The following TRPC5 variants were observed in gnomAD, a reference collection of about 807,000 sequenced individuals.
TRPC5 encodes the protein short transient receptor potential channel 5.
A neutral mutation model predicts 56.5 loss-of-function variants in TRPC5; 9 were observed. The observed-to-expected ratio is 0.16, with a 90% CI of 0.10 to 0.28. The LOEUF is 0.28. TRPC5 is among the 10% of genes least tolerant of loss of function. The pLI, the probability that TRPC5 is intolerant of heterozygous loss-of-function variation, is 1.00. For synonymous variants in TRPC5, 282 were observed against 278.5 expected, an observed-to-expected ratio of 1.01 and a Z score of -0.13; for missense variants, 469 against 748.9, an observed-to-expected ratio of 0.63 and a Z score of 4.36.
At chrX:112,035,095 A>T (rs1204150467) in intron 1 of TRPC5, among the ~76,000 whole-genome samples, 1 of 107,019 alleles carries the variant, frequency 9.3e-6, no homozygotes, top group Admixed American at 1.0e-4. Context: ...TTTTTAAAAA[A>T]AAAAAAATGT....
At chrX:111,935,625 T>A (rs1481353831) in intron 2 of TRPC5, among the ~76,000 whole-genome samples, 2 of 111,860 alleles carry the variant, frequency 1.8e-5, no homozygotes, top group Non-Finnish European at 3.8e-5. Flanking sequence ...AGCCTTTATT[T>A]CATTTTGATT....
At chrX:111,972,903 C>T (rs1008027132) in intron 1 of TRPC5, among the ~76,000 whole-genome samples, 4 of 111,653 alleles carry the variant, frequency 3.6e-5, no homozygotes, top group African/African-American at 1.3e-4. Context: ...AATATTTTGG[C>T]ATGGCTACTG....
At chrX:112,063,946 C>A (rs1930519666) in intron 1 of TRPC5, among the ~76,000 whole-genome samples, 2 of 111,445 alleles carry the variant, frequency 1.8e-5, no homozygotes, top group Non-Finnish European at 3.8e-5. Flanking sequence ...CGCCCACCAC[C>A]ACGTCCGGCC....
In TRPC5 at chrX:112,029,829, C is replaced by CTT. The variant is rs35476875; in HGVS notation, c.-22+52048_-22+52049dup. On this transcript the variant is annotated intron_variant, in intron 1 of 10. Coordinates refer to ENST00000262839, the MANE Select transcript of TRPC5 (RefSeq NM_012471.3). ...GAGTCGTTTTCATGAAAGCCTCATCCTTTTTTTTTTTTTTTGAGACAGAGT... is the reference window on the plus strand; with the variant it reads ...GAGTCGTTTTCATGAAAGCCTCATCCTTTTTTTTTTTTTTTTTGAGACAGAGT... Among the ~76,000 whole-genome samples the CTT allele has an allele frequency of 5.7e-3, 561 of 98,710 alleles. 3 individuals carry two copies. Among genetic ancestry groups the CTT allele is most frequent in the African/African-American group, 0.02 (537 of 26,956 alleles). 85.7% of individuals were successfully genotyped at this position (98,710 alleles called of 115,157 possible).
At chrX:111,927,108 T>C (rs1347509277) in intron 2 of TRPC5, among the ~76,000 whole-genome samples, 1 of 112,330 alleles carries the variant, frequency 8.9e-6, no homozygotes, top group Non-Finnish European at 1.9e-5. Context: ...AACCTCAGCA[T>C]TCTTGACATG....
At chrX:111,779,130 G>C in intron 9 of TRPC5, 56 bp from the exon 10 acceptor site, 6 of 861,622 alleles carry the variant, frequency 7.0e-6, no homozygotes, top group Non-Finnish European at 9.9e-6. Context: ...TCTCAGTACA[G>C]TAAGAAACTT....
At chrX:111,904,112 A>G in intron 3 of TRPC5, 1 of 112,183 alleles carries the variant, frequency 8.9e-6, no homozygotes, top group Non-Finnish European at 1.9e-5. Context: ...AGGATTCTGA[A>G]GTTATACTTC....
chrX:111,829,573 C>A (rs1384038494), intron 7 of TRPC5, among the ~76,000 whole-genome samples: 1 of 112,131 alleles, frequency 8.9e-6, no homozygotes, highest in Non-Finnish European at 1.9e-5. Context: ...TTGCTGTATG[C>A]AGCCTAGGGA....
At chrX:111,961,570 T>C (rs1180664674) in intron 1 of TRPC5, among the ~76,000 whole-genome samples, 2 of 112,264 alleles carry the variant, frequency 1.8e-5, no homozygotes, top group East Asian at 5.6e-4. Context: ...TCAGGTATAC[T>C]ACAATGTATT....
In TRPC5 at chrX:111,924,863, C is replaced by T. The variant is rs766867734; in HGVS notation, c.379-12051G>A. Among the ~76,000 whole-genome samples the T allele has an allele frequency of 2.7e-5, 3 of 112,359 alleles. No individual in the cohort carries two copies. The East Asian group carries it at 8.4e-4, about 32-fold the overall frequency. ...AGAGCAGCAGGAGTTAATTCCTCTT[C>T]CTGTGGCTATCCTTGATCTTTTCAG... On this transcript the variant is annotated intron_variant, in intron 2 of 10. Transcript: ENST00000262839.
At chrX:111,863,698 A>G (rs1452613485) in intron 3 of TRPC5, among the ~76,000 whole-genome samples, 1 of 112,067 alleles carries the variant, frequency 8.9e-6, no homozygotes, top group Non-Finnish European at 1.9e-5. Flanking sequence ...TCCTGATGTT[A>G]GAAGAAAAGC....
intron 1 of TRPC5, among the ~76,000 whole-genome samples, chrX:112,010,716 T>C (rs1362010790): frequency 1.8e-5 from 2 of 112,222 alleles, no homozygotes; most frequent in Non-Finnish European, 3.8e-5. Flanking sequence ...AGCTCCATTA[T>C]AGTCTTATGT....
At chrX:111,869,587 C>T (rs945856895) in intron 3 of TRPC5, among the ~76,000 whole-genome samples, 5 of 112,177 alleles carry the variant, frequency 4.5e-5, no homozygotes, top group African/African-American at 1.6e-4. Flanking sequence ...TGTTTTAGAA[C>T]GCATATTTTT....
intron 6 of TRPC5, 104 bp from the exon 7 acceptor site, chrX:111,835,220 G>GC: frequency 1.4e-6 from 1 of 693,617 alleles, no homozygotes; most frequent in East Asian, 3.3e-5. Context: ...CCAGATCTGT[G>GC]ACAGATAAAC....
At chrX:111,961,733 C>A (rs970022275) in intron 1 of TRPC5, among the ~76,000 whole-genome samples, 1 of 111,927 alleles carries the variant, frequency 8.9e-6, no homozygotes, top group South Asian at 3.7e-4. Flanking sequence ...AATTACTGGA[C>A]CAAAACCTGG....
intron 8 of TRPC5, among the ~76,000 whole-genome samples, chrX:111,781,507 C>T (rs181940086): frequency 3.8e-3 from 430 of 111,824 alleles, no homozygotes; most frequent in Non-Finnish European, 5.3e-3. Context: ...AGGAGGATCA[C>T]GAGGTCAGGA....
At chrX:112,012,578 C>A (rs1315136982) in intron 1 of TRPC5, among the ~76,000 whole-genome samples, 1 of 110,641 alleles carries the variant, frequency 9.0e-6, no homozygotes, top group African/African-American at 3.3e-5. Flanking sequence ...ATGCTCAGAA[C>A]AGCCTTATGA....
At chrX:111,795,240 A>G (rs192556316) in intron 7 of TRPC5, among the ~76,000 whole-genome samples, 3 of 111,287 alleles carry the variant, frequency 2.7e-5, no homozygotes, top group Non-Finnish European at 5.7e-5. Context: ...AAAACCTTCA[A>G]TCTTTCACCG....
intron 3 of TRPC5, among the ~76,000 whole-genome samples, chrX:111,885,621 C>T (rs757979843): frequency 3.7e-5 from 4 of 108,918 alleles, no homozygotes; most frequent in African/African-American, 1.3e-4. Flanking sequence ...ATAACATTAT[C>T]TTGTTTGATT....
Sources: gnomAD v4.1 joint callset for allele counts (sites outside exome capture counted in the v4.1 genomes callset) on GRCh38, gnomAD v4.1.1 for gene constraint, MANE v1.5 for transcripts, NCBI Gene and HGNC (gene_info 2026-07-23, HGNC 2026-07-21) for gene names.